The following B3GALT1 variants were observed in gnomAD, a reference collection of about 807,000 sequenced individuals.
The protein encoded by B3GALT1 is beta-1,3-galactosyltransferase 1.
Under a neutral mutation model 23.2 loss-of-function variants are expected in B3GALT1, and 10 were observed. That is an observed-to-expected ratio of 0.43 (90% confidence interval 0.27 to 0.73). The LOEUF is 0.73. Ranked by LOEUF, B3GALT1 falls within the 30% of genes least tolerant of loss-of-function variation. The pLI, the probability that B3GALT1 is intolerant of heterozygous loss-of-function variation, is 0.21. For missense variants in B3GALT1, 299 were observed against 405.4 expected (o/e 0.74, Z 2.25); for synonymous variants, 156 against 141.5 (o/e 1.10, Z -0.73).
chr2:167,696,183 C>A (rs1384950299), intron 3 of B3GALT1, among the ~76,000 whole-genome samples: 1 of 150,624 alleles, frequency 6.6e-6, no homozygotes, highest in Non-Finnish European at 1.5e-5. Context: ...ACCTAACTTA[C>A]ATTCTGGAGT....
At chr2:167,480,640 C>T (rs1038404695) in intron 1 of B3GALT1, among the ~76,000 whole-genome samples, 4 of 152,142 alleles carry the variant, frequency 2.6e-5, no homozygotes, top group African/African-American at 7.2e-5. Context: ...ACAGGTGGGG[C>T]GGGGACTATC....
intron 1 of B3GALT1, among the ~76,000 whole-genome samples, chr2:167,328,969 C>A (rs112622404): frequency 1.3e-5 from 2 of 152,182 alleles, no homozygotes; most frequent in South Asian, 4.2e-4. Flanking sequence ...CGCACCACCA[C>A]GCCTGGCTGA....
chr2:167,649,956 A>C (rs1685829876), intron 3 of B3GALT1, among the ~76,000 whole-genome samples: 1 of 152,000 alleles, frequency 6.6e-6, no homozygotes, highest in African/African-American at 2.4e-5. Flanking sequence ...TACAATGTTG[A>C]ATAGATGTAA....
chr2:167,818,057 T>G (rs929508671), intron 3 of B3GALT1, among the ~76,000 whole-genome samples: 1 of 152,154 alleles, frequency 6.6e-6, no homozygotes, highest in Non-Finnish European at 1.5e-5. Flanking sequence ...TTTTATCACT[T>G]GGAAAGTTAA....
chr2:167,706,671 G>T (rs1311154571), intron 3 of B3GALT1, among the ~76,000 whole-genome samples: 4 of 152,322 alleles, frequency 2.6e-5, no homozygotes, highest in South Asian at 4.1e-4. Context: ...TAAGTGCAAA[G>T]CTTACTTTGA....
At chr2:167,602,321 A>G (rs1558921068) in intron 2 of B3GALT1, among the ~76,000 whole-genome samples, 2 of 152,174 alleles carry the variant, frequency 1.3e-5, no homozygotes, top group Non-Finnish European at 2.9e-5. Context: ...GAGCATATAG[A>G]GAGACAGAGA....
In B3GALT1 at chr2:167,870,252, C is replaced by T; in HGVS notation, c.*232C>T. On this transcript the variant is annotated 3_prime_UTR_variant, in exon 5 of 5. Transcript: ENST00000392690. ...TTTCATTCTCAGTCCCAGAGCATTGCTATTTATCTCAAAAAGTGACTTCCA... is the reference window on the plus strand; with the variant it reads ...TTTCATTCTCAGTCCCAGAGCATTGTTATTTATCTCAAAAAGTGACTTCCA... 1 of 404,206 alleles carries T rather than the reference C, an allele frequency of 2.5e-6. No individual in the cohort carries two copies. The highest frequency in any genetic ancestry group is 4.6e-6 in the Non-Finnish European group (1 of 219,178). 25.0% of individuals were successfully genotyped at this position (404,206 alleles called of 1,614,324 possible).
At chr2:167,851,684 A>G (rs1250621869) in intron 4 of B3GALT1, among the ~76,000 whole-genome samples, 1 of 152,230 alleles carries the variant, frequency 6.6e-6, no homozygotes, top group Non-Finnish European at 1.5e-5. Context: ...CTCCATGAAT[A>G]TTTTACTTCT....
Position 167,506,980 on chromosome 2 carries a change from A to G in B3GALT1, c.-410+16703A>G, listed in dbSNP as rs549995047. 8.7e-4 allele frequency among the ~76,000 whole-genome samples: 133 copies of G among 152,328 alleles called. 1 individual carries two copies. Among genetic ancestry groups the G allele is most frequent in the African/African-American group, 3.1e-3 (129 of 41,572 alleles). ...GCCTTACATACCCTGCTATCACTCT[A>G]AGAAGACTCTATTCAATAGAAAATG... is the stretch of plus-strand genomic sequence containing the variant. On this transcript the variant is annotated intron_variant, in intron 2 of 4. Coordinates refer to ENST00000392690, the MANE Select transcript of B3GALT1 (RefSeq NM_020981.4).
intron 2 of B3GALT1, among the ~76,000 whole-genome samples, chr2:167,579,517 C>G (rs1397141650): frequency 1.4e-5 from 2 of 143,492 alleles, no homozygotes; most frequent in Non-Finnish European, 3.0e-5. Context: ...AGATTTCTAG[C>G]CTGAGCATTC....
In B3GALT1 at chr2:167,719,960, C is replaced by G. The variant is rs541012231; in HGVS notation, c.-352+72994C>G. On this transcript the variant is annotated intron_variant, in intron 3 of 4. Transcript: ENST00000392690. Reference sequence around the variant, plus strand: ...AAAAAAAAAAGAAAGTCCAGGAAGCCTGGCCCAGTAACAGGTCCCTTGGTG... The same window carrying G: ...AAAAAAAAAAGAAAGTCCAGGAAGCGTGGCCCAGTAACAGGTCCCTTGGTG... Among the ~76,000 whole-genome samples the G allele has an allele frequency of 3.9e-5, 6 of 152,046 alleles. No homozygotes were observed. In the East Asian group the frequency reaches 7.8e-4, roughly 20 times the overall value.
chr2:167,774,304 G>A (rs1688120806), intron 3 of B3GALT1, among the ~76,000 whole-genome samples: 1 of 151,854 alleles, frequency 6.6e-6, no homozygotes, highest in Non-Finnish European at 1.5e-5. Context: ...TCTTTACCCT[G>A]GAAAACACCA....
chr2:167,534,376 G>C (rs1683380951), intron 2 of B3GALT1, among the ~76,000 whole-genome samples: 1 of 151,826 alleles, frequency 6.6e-6, no homozygotes, highest in South Asian at 2.1e-4. Context: ...AGTTCAATTA[G>C]TGCTTTTTTT....
intron 1 of B3GALT1, among the ~76,000 whole-genome samples, chr2:167,483,258 A>G (rs1009423684): frequency 1.1e-4 from 17 of 152,106 alleles, no homozygotes; most frequent in Non-Finnish European, 1.8e-4. Flanking sequence ...GCGCCATTGC[A>G]CTCCAGCCTG....
chr2:167,390,885 C>T (rs1321445348), intron 1 of B3GALT1, among the ~76,000 whole-genome samples: 2 of 152,204 alleles, frequency 1.3e-5, no homozygotes, highest in African/African-American at 4.8e-5. Context: ...GCTTTAACAA[C>T]TACCACATAT....
At chr2:167,849,939 A>G (rs1385465946) in intron 4 of B3GALT1, among the ~76,000 whole-genome samples, 1 of 152,046 alleles carries the variant, frequency 6.6e-6, no homozygotes, top group Non-Finnish European at 1.5e-5. Context: ...AACTGCAACA[A>G]TTCTGAAGAT....
intron 2 of B3GALT1, among the ~76,000 whole-genome samples, chr2:167,584,876 G>A (rs565027948): frequency 6.6e-6 from 1 of 152,294 alleles, no homozygotes; most frequent in South Asian, 2.1e-4. Flanking sequence ...CTATTCAGAA[G>A]CTCCAGGAAC....
intron 3 of B3GALT1, among the ~76,000 whole-genome samples, chr2:167,664,178 A>G (rs2105475674): frequency 6.7e-6 from 1 of 149,912 alleles, no homozygotes; most frequent in South Asian, 2.1e-4. Context: ...CTTTCTACAT[A>G]TGGCTAGCCA....
chr2:167,774,135 G>C (rs546667149), intron 3 of B3GALT1, among the ~76,000 whole-genome samples: 1 of 152,034 alleles, frequency 6.6e-6, no homozygotes, highest in South Asian at 2.1e-4. Context: ...GACATAATGC[G>C]ATCACCAAAA....
Sources: gnomAD v4.1 joint callset for allele counts (sites outside exome capture counted in the v4.1 genomes callset) on GRCh38, gnomAD v4.1.1 for gene constraint, MANE v1.5 for transcripts, NCBI Gene and HGNC (gene_info 2026-07-23, HGNC 2026-07-21) for gene names.